The following ALDH9A1 variants were observed in gnomAD, a reference collection of about 807,000 sequenced individuals.
ALDH9A1 encodes the protein 4-trimethylaminobutyraldehyde dehydrogenase.
A neutral mutation model predicts 56.6 loss-of-function variants in ALDH9A1; 42 were observed. The observed-to-expected ratio is 0.74, with a 90% CI of 0.58 to 0.96. The LOEUF is 0.96. Ranked by LOEUF, ALDH9A1 falls within the 40% of genes least tolerant of loss-of-function variation. The pLI is 0.00. For missense variants in ALDH9A1, 661 were observed against 651.5 expected (o/e 1.01, Z -0.16); for synonymous variants, 242 against 236.0 (o/e 1.03, Z -0.23).
At chr1:165,693,913 C>T (rs1047874083) in intron 2 of ALDH9A1, among the ~76,000 whole-genome samples, 6 of 152,056 alleles carry the variant, frequency 3.9e-5, no homozygotes, top group Admixed American at 6.6e-5. Context: ...ATGTCCTTTG[C>T]AGGGACATGG....
chr1:165,676,307 C>G (rs1221270291), intron 6 of ALDH9A1: 2 of 157,508 alleles, frequency 1.3e-5, no homozygotes, highest in Non-Finnish European at 2.8e-5. Context: ...AGTAATTCAC[C>G]AAAACGACAA....
Position 165,694,971 on chromosome 1 carries a change from TA to T in ALDH9A1, c.327+280del, listed in dbSNP as rs1183820552. On this transcript the variant is annotated intron_variant, in intron 2 of 10. Coordinates refer to ENST00000354775, the MANE Select transcript of ALDH9A1 (RefSeq NM_000696.4). Reference sequence around the variant, plus strand: ...ATTCCGTCTCAAAAAAAAAAAAAAATAAAAATAAAAAAAGGACGATGAGCTA... The same window carrying T: ...ATTCCGTCTCAAAAAAAAAAAAAAATAAAATAAAAAAAGGACGATGAGCTA... Among the ~76,000 whole-genome samples the T allele has an allele frequency of 5.1e-4, 73 of 144,038 alleles. 2 individuals carry two copies. The East Asian group carries it at 5.2e-3, about 10-fold the overall frequency. The allele number at this position is 144,038 out of a possible 152,430, so 94.5% of individuals were successfully genotyped here. A position where few individuals can be genotyped will look rare whatever the true frequency, so the allele number is the denominator to read the frequency against.
chr1:165,674,484 C>T (rs1287248057), intron 6 of ALDH9A1, among the ~76,000 whole-genome samples: 3 of 151,884 alleles, frequency 2.0e-5, no homozygotes, highest in Admixed American at 6.6e-5. Context: ...GTCAGGAGTT[C>T]GAGACCAGCC....
rs777681082 is a variant in ALDH9A1 at position 165,680,657 on chromosome 1, G to C, written c.619C>G (p.Pro207Ala). 4.3e-6 allele frequency: 7 copies of C among 1,613,144 alleles called. No individual in the cohort carries two copies. The highest frequency in any genetic ancestry group is 1.7e-5 in the Admixed American group (1 of 59,738). Reference protein sequence around the residue: ...CGNAMVFKPSPFTPVSALLLA... With the variant: ...CGNAMVFKPSAFTPVSALLLA... ...AGCAATGCAGAAACAGGTGTAAAGG[G>C]AGAAGGTTTAAAGACCATGGCATTA... is the stretch of plus-strand genomic sequence containing the variant. Residue 207 changes from proline to alanine, a missense_variant, in exon 5 of 11, where the codon CCC becomes GCC. By Grantham distance (27) the Pro-to-Ala change is conservative. Transcript: ENST00000354775.
chr1:165,694,951 G>A (rs867532587), intron 2 of ALDH9A1, among the ~76,000 whole-genome samples: 44 of 135,838 alleles, frequency 3.2e-4, no homozygotes, highest in African/African-American at 1.2e-3. Context: ...GCAAGATTCC[G>A]TCTCAAAAAA....
In ALDH9A1 at chr1:165,695,306, T is replaced by C. The variant is rs1650037883; in HGVS notation, c.273A>G (p.Gln91=). ...TTCGGCAACGCTCCATGCCAGATTT[T>C]TGACTCCATATTTTAAAAGCAGCCT... The part of the protein sequence containing the change: ...NAKAAFKIWS[Q]KSGMERCRIL... Residue 91 remains glutamine (Q), a synonymous_variant, in exon 2 of 11, where the codon CAA becomes CAG. Transcript: ENST00000354775. 1 of 1,613,384 alleles carries C rather than the reference T, an allele frequency of 6.2e-7. No homozygotes were observed. Among genetic ancestry groups the C allele is most frequent in the South Asian group, 1.1e-5 (1 of 91,002 alleles).
chr1:165,675,538 C>T (rs953476761), intron 6 of ALDH9A1, among the ~76,000 whole-genome samples: 23 of 152,034 alleles, frequency 1.5e-4, no homozygotes, highest in Non-Finnish European at 2.8e-4. Flanking sequence ...AGGAGATGGA[C>T]AAAACTGGGT....
rs763892358 is a variant in ALDH9A1, at chr1:165,667,319, C to G, written c.1339G>C (p.Val447Leu). Residue 447 changes from valine (V) to leucine (L), a missense_variant, in exon 9 of 11, where the codon GTC (valine) becomes CTC (leucine). By Grantham distance (32) the Val-to-Leu change is conservative. Coordinates refer to ENST00000354775, the MANE Select transcript of ALDH9A1 (RefSeq NM_000696.4). ...TCCCACTCCACATACCTGGTAAAGACGCCAGCTGCTAGTCCAAAAGTGGTA... is the reference window on the plus strand; with the variant it reads ...TCCCACTCCACATACCTGGTAAAGAGGCCAGCTGCTAGTCCAAAAGTGGTA... ...NDTTFGLAAG[V>L]FTRDIQRAHR... 6.2e-7 allele frequency: 1 copy of G among 1,613,962 alleles called. No individual in the cohort carries two copies. The highest frequency in any genetic ancestry group is 8.5e-7 in the Non-Finnish European group (1 of 1,179,970).
At chr1:165,696,466 T>C (rs1180343830) in intron 1 of ALDH9A1, among the ~76,000 whole-genome samples, 1 of 152,232 alleles carries the variant, frequency 6.6e-6, no homozygotes, top group Non-Finnish European at 1.5e-5. Context: ...AAATCCCTTG[T>C]CTATATTCTA....
chr1:165,674,255 GC>G (rs1196367712), intron 6 of ALDH9A1, among the ~76,000 whole-genome samples: 1 of 141,974 alleles, frequency 7.0e-6, no homozygotes, highest in Non-Finnish European at 1.5e-5. Flanking sequence ...CCCTGGGGCA[GC>G]TCTGCCTATG....
intron 6 of ALDH9A1, among the ~76,000 whole-genome samples, chr1:165,669,701 T>G (rs1240718728): frequency 6.6e-6 from 1 of 152,106 alleles, no homozygotes; most frequent in East Asian, 1.9e-4. Flanking sequence ...TTGTTTAAAT[T>G]TTTTAAAGGC....
intron 2 of ALDH9A1, among the ~76,000 whole-genome samples, chr1:165,692,721 G>T (rs1649933943): frequency 6.6e-6 from 1 of 150,496 alleles, no homozygotes; most frequent in African/African-American, 2.4e-5. Context: ...CTATTTTAAA[G>T]TTCATATGGA....
Position 165,678,873 on chromosome 1 carries a change from C to T in ALDH9A1, c.930+569G>A, listed in dbSNP as rs148240908. 5.3e-4 allele frequency among the ~76,000 whole-genome samples: 81 copies of T among 152,200 alleles called. 1 individual carries two copies. Among genetic ancestry groups the T allele is most frequent in the African/African-American group, 1.8e-3 (76 of 41,506 alleles). ...CCTGTTCTCCCAAAATGTCAACGTC[C>T]TGAAAGACAAGAATAACTGAAGAAC... On this transcript the variant is annotated intron_variant, in intron 6 of 10. Transcript: ENST00000354775.
intron 2 of ALDH9A1, among the ~76,000 whole-genome samples, chr1:165,693,912 G>T (rs1204060404): frequency 2.0e-5 from 3 of 152,124 alleles, no homozygotes; most frequent in Non-Finnish European, 4.4e-5. Context: ...CATGTCCTTT[G>T]CAGGGACATG....
Position 165,698,378 on chromosome 1 carries a change from C to T in ALDH9A1, c.181G>A (p.Gly61Ser). ...GTEKAFEPAT[G>S]RVIATFTCSG... is the part of the protein sequence containing the mutation. ...AGCCTCCCCGGCTCGTTGCAGTTAC[C>T]GGTTGCTGGCTCGAAAGCTTTCTCG... Residue 61 changes from glycine to serine, a missense_variant and splice_region_variant, in exon 1 of 11, where the codon GGC (glycine) becomes AGC (serine). Physicochemically the swap from Gly to Ser is moderately conservative, Grantham distance 56. Transcript: ENST00000354775. 5 of 1,590,436 alleles carry T rather than the reference C, an allele frequency of 3.1e-6. No individual in the cohort carries two copies. The highest frequency in any genetic ancestry group is 1.9e-5 in the Admixed American group (1 of 53,832).
chr1:165,679,082 C>T (rs928326179), intron 6 of ALDH9A1, among the ~76,000 whole-genome samples: 1 of 152,150 alleles, frequency 6.6e-6, no homozygotes, highest in Admixed American at 6.6e-5. Context: ...AGTAACAGTA[C>T]TATATCAATG....
intron 6 of ALDH9A1, among the ~76,000 whole-genome samples, chr1:165,675,823 C>G (rs903377960): frequency 2.0e-5 from 3 of 152,172 alleles, no homozygotes; most frequent in African/African-American, 7.2e-5. Flanking sequence ...AGTATTCTGA[C>G]TATACTCTCA....
At chr1:165,678,951 C>A (rs1165785614) in intron 6 of ALDH9A1, among the ~76,000 whole-genome samples, 2 of 152,162 alleles carry the variant, frequency 1.3e-5, no homozygotes, top group African/African-American at 4.8e-5. Context: ...AATGCATCAT[C>A]CTTGACTGGA....
At chr1:165,685,072 C>T (rs1649665770) in intron 2 of ALDH9A1, among the ~76,000 whole-genome samples, 1 of 152,174 alleles carries the variant, frequency 6.6e-6, no homozygotes, top group Admixed American at 6.5e-5. Context: ...ATGTCTCTGA[C>T]AAAAATTTCT....
Sources: gnomAD v4.1 joint callset for allele counts (sites outside exome capture counted in the v4.1 genomes callset) on GRCh38, gnomAD v4.1.1 for gene constraint, MANE v1.5 for transcripts, NCBI Gene and HGNC (gene_info 2026-07-23, HGNC 2026-07-21) for gene names.